SRPRA: variants seen among roughly 807,000 people sequenced by gnomAD.
SRPRA encodes SRP receptor subunit alpha, also known as signal recognition particle receptor subunit alpha.
Under a neutral mutation model 61.1 loss-of-function variants are expected in SRPRA, and 30 were observed. The observed-to-expected ratio is 0.49, with a 90% CI of 0.37 to 0.67. The LOEUF (loss-of-function observed/expected upper bound fraction) is 0.67, where lower values mean the gene tolerates loss of function less well. Among genes scored for constraint, SRPRA ranks in the 30% least tolerant of loss-of-function variants. SRPRA has a pLI of 0.00. For missense variants in SRPRA, 759 were observed against 828.4 expected (o/e 0.92, Z 1.03); for synonymous variants, 324 against 299.7 (o/e 1.08, Z -0.84).
At chr11:126,249,731 CAAAAAAA>C in the SRPRA span, among the ~76,000 whole-genome samples, 4 of 79,014 alleles carry the variant, frequency 5.1e-5, no homozygotes, top group Admixed American at 1.8e-4. Context: ...GACTCCGTCT[CAAAAAAA>C]AAAAAAAAAA....
At chr11:126,236,298 A>G in the SRPRA span, among the ~76,000 whole-genome samples, 2 of 152,218 alleles carry the variant, frequency 1.3e-5, no homozygotes, top group Non-Finnish European at 2.9e-5. Flanking sequence ...GACATATTTG[A>G]AAAGGTCTTT....
Position 126,267,524 on chromosome 11 carries a change from A to G in SRPRA, c.365+25T>C. Reference sequence around the variant, plus strand: ...GTCATCAAATCATGGAAATAAATTGATTTTAGAGAAGGCAGGTCTCTCACC... The same window carrying G: ...GTCATCAAATCATGGAAATAAATTGGTTTTAGAGAAGGCAGGTCTCTCACC... On this transcript the variant is annotated intron_variant, in intron 3 of 13. Transcript: ENST00000332118. The surrounding 1 kb of genome is among the most constrained non-coding windows in gnomAD (Gnocchi z 4.2). The G allele has an allele frequency of 6.2e-7, 1 of 1,612,912 alleles. No homozygotes were observed.
At chr11:126,261,618 T>C (rs1056153441), downstream of SRPRA, 24 of 664,682 alleles carry the variant, frequency 3.6e-5, no homozygotes, top group African/African-American at 4.0e-4. Flanking sequence ...AGAATGATTT[T>C]CCTCTCCTAC....
chr11:126,268,835 G>GCCGGGGCCGGCC lies in SRPRA; in HGVS notation c.-32_-31insGGCCGGCCCCGG. 1 of 1,580,512 alleles carries GCCGGGGCCGGCC rather than the reference G, an allele frequency of 6.3e-7. No homozygotes were observed. Among genetic ancestry groups the GCCGGGGCCGGCC allele is most frequent in the East Asian group, 2.2e-5 (1 of 44,712 alleles). On this transcript the variant is annotated 5_prime_UTR_variant, in exon 1 of 14. Coordinates refer to ENST00000332118, the MANE Select transcript of SRPRA (RefSeq NM_003139.4). ...CAGCGGCAGAGGAGCTGGGGCCGGC[G>GCCGGGGCCGGCC]CCGGGAATTCAGGCCGCGTTCGCCG...
the SRPRA span, among the ~76,000 whole-genome samples, chr11:126,238,424 T>C: frequency 6.6e-6 from 1 of 152,122 alleles, no homozygotes; most frequent in Admixed American, 6.6e-5. Context: ...TGTCAGAATC[T>C]GCAGGTTTTT....
Position 126,265,059 on chromosome 11 carries a change from T to C in SRPRA, c.1425A>G (p.Leu475=), listed in dbSNP as rs750661573. 1.2e-6 allele frequency: 2 copies of C among 1,614,092 alleles called. No individual in the cohort carries two copies. Among genetic ancestry groups the C allele is most frequent in the East Asian group, 2.2e-5 (1 of 44,872 alleles). The change falls in exon 11 of 14, where the codon CTA becomes CTG. Residue 475 remains leucine (L), a synonymous_variant. Coordinates refer to ENST00000332118, the MANE Select transcript of SRPRA (RefSeq NM_003139.4). The surrounding 1 kb of genome is among the most constrained non-coding windows in gnomAD (Gnocchi z 6.3). ...LRTHTRRLSA[L]HPPEKHGGRT... ...GGCCACCATGCTTCTCTGGAGGGTG[T>C]AGGGCACTCAAACGCCGGGTGTGTG...
chr11:126,236,778 C>T, the SRPRA span, among the ~76,000 whole-genome samples: 3 of 143,948 alleles, frequency 2.1e-5, no homozygotes, highest in Non-Finnish European at 3.1e-5. Context: ...CCCCCCATTT[C>T]GTTTTCTTAA....
the SRPRA span, among the ~76,000 whole-genome samples, chr11:126,246,919 T>C: frequency 6.6e-6 from 1 of 152,142 alleles, no homozygotes; most frequent in African/African-American, 2.4e-5. Context: ...TGGTGGCAAA[T>C]TTAGTTCTAG....
the SRPRA span, among the ~76,000 whole-genome samples, chr11:126,248,449 CA>C: frequency 8.0e-6 from 1 of 125,754 alleles, no homozygotes; most frequent in Non-Finnish European, 1.6e-5. Flanking sequence ...TGGCTCACTA[CA>C]ACCTCTGCCT....
chr11:126,252,968 G>A, the SRPRA span, among the ~76,000 whole-genome samples: 1 of 152,200 alleles, frequency 6.6e-6, no homozygotes, highest in South Asian at 2.1e-4. The surrounding 1 kb of genome is among the most constrained non-coding windows in gnomAD (Gnocchi z 4.7). Flanking sequence ...CCAGGAGGCA[G>A]AGGTTTCAGT....
the SRPRA span, among the ~76,000 whole-genome samples, chr11:126,252,338 A>T: frequency 6.6e-6 from 1 of 152,212 alleles, no homozygotes; most frequent in Admixed American, 6.5e-5. The surrounding 1 kb of genome is among the most constrained non-coding windows in gnomAD (Gnocchi z 4.7). Context: ...CCCCATAGGA[A>T]TAGTAACTTC....
the SRPRA span, chr11:126,256,577 A>T: frequency 1.9e-6 from 3 of 1,613,520 alleles, no homozygotes; most frequent in Non-Finnish European, 2.5e-6. This position sits in a 1 kb window ranked among gnomAD's most constrained non-coding sequence, Gnocchi z 6.6. Flanking sequence ...AGAGAAATTC[A>T]GAAACTCTAC....
chr11:126,248,682 T>C, the SRPRA span, among the ~76,000 whole-genome samples: 1 of 152,296 alleles, frequency 6.6e-6, no homozygotes, highest in East Asian at 1.9e-4. Flanking sequence ...GACTCGCTTT[T>C]ATAACTGACA....
downstream of SRPRA, chr11:126,262,290 G>GT: frequency 1.7e-6 from 1 of 585,074 alleles, no homozygotes. Context: ...ATGTTGCAGC[G>GT]TAATCCTTCA....
the SRPRA span, chr11:126,254,313 G>A: frequency 1.2e-6 from 2 of 1,614,028 alleles, no homozygotes; most frequent in Non-Finnish European, 1.7e-6. Context: ...AGGTCCTCGA[G>A]TGGGCTCAGG....
chr11:126,241,841 C>T, the SRPRA span, among the ~76,000 whole-genome samples: 2 of 152,066 alleles, frequency 1.3e-5, no homozygotes, highest in African/African-American at 2.4e-5. Context: ...TGAGCCACTG[C>T]ACCCAGCCTG....
intron 6 of SRPRA, 45 bp from the exon 7 acceptor site, chr11:126,266,323 C>A: frequency 1.2e-6 from 2 of 1,605,160 alleles, no homozygotes; most frequent in Non-Finnish European, 1.7e-6. Context: ...ACACTAAGGT[C>A]TCTGAGGAAA....
downstream of SRPRA, among the ~76,000 whole-genome samples, chr11:126,259,145 A>G (rs1043664535): frequency 3.3e-5 from 5 of 152,226 alleles, no homozygotes; most frequent in Non-Finnish European, 7.3e-5. Context: ...TTCATTTTGA[A>G]ACGAGTCAAC....
chr11:126,256,149 T>C, the SRPRA span, among the ~76,000 whole-genome samples: 1 of 151,966 alleles, frequency 6.6e-6, no homozygotes, highest in African/African-American at 2.4e-5. The surrounding 1 kb of genome is among the most constrained non-coding windows in gnomAD (Gnocchi z 6.6). Flanking sequence ...TGCACACTTG[T>C]AATATACTCG....
Sources: gnomAD v4.1 joint callset for allele counts (sites outside exome capture counted in the v4.1 genomes callset) on GRCh38, gnomAD v4.1.1 for gene constraint, Gnocchi (gnomAD v3.1) non-coding constraint, MANE v1.5 for transcripts, NCBI Gene and HGNC (gene_info 2026-07-23, HGNC 2026-07-21) for gene names.